CCDC175: variants seen among roughly 807,000 people sequenced by gnomAD.
CCDC175 encodes coiled-coil domain containing 175.
CCDC175 carries 100 observed loss-of-function variants against 114.6 expected under a neutral mutation model. The ratio of observed to expected loss-of-function variants is 0.87; its 90% CI spans 0.74 to 1.03. CCDC175 has a LOEUF of 1.03. CCDC175 is among the 50% of genes least tolerant of loss of function. The pLI, the probability that CCDC175 is intolerant of heterozygous loss-of-function variation, is 0.00. For synonymous variants in CCDC175, 306 were observed against 308.7 expected (o/e 0.99, Z 0.09); for missense variants, 880 against 917.8 (o/e 0.96, Z 0.53).
intron 11 of CCDC175, among the ~76,000 whole-genome samples, chr14:59,539,749 A>C (rs1411748311): frequency 1.3e-5 from 2 of 152,124 alleles, no homozygotes; most frequent in African/African-American, 4.8e-5. Flanking sequence ...CCCCATCTCT[A>C]CTAAAAATAC....
intron 8 of CCDC175, among the ~76,000 whole-genome samples, chr14:59,546,127 A>G (rs1317906831): frequency 6.6e-6 from 1 of 152,258 alleles, no homozygotes; most frequent in Non-Finnish European, 1.5e-5. Context: ...ATGGAACATT[A>G]TGCAGCCATA....
In CCDC175 at chr14:59,565,231, A is replaced by T; in HGVS notation, c.536T>A (p.Leu179Gln). 6.5e-7 allele frequency: 1 copy of T among 1,537,810 alleles called. No homozygotes were observed. Among genetic ancestry groups the T allele is most frequent in the Non-Finnish European group, 8.7e-7 (1 of 1,147,034 alleles). ...ELARKHARFVLSLNQTMEKKA... is the reference protein window; with the variant it reads ...ELARKHARFVQSLNQTMEKKA... ...TTTCTCCATAGTTTGGTTGAGTGACAGGACAAACCTTGCATGCTTCCTTGC... is the reference window on the plus strand; with the variant it reads ...TTTCTCCATAGTTTGGTTGAGTGACTGGACAAACCTTGCATGCTTCCTTGC... Residue 179 changes from leucine (L) to glutamine (Q), a missense_variant, in exon 5 of 20, where the codon CTG becomes CAG. Physicochemically the swap from Leu to Gln is moderately radical, Grantham distance 113. Coordinates refer to ENST00000537690, the MANE Select transcript of CCDC175 (RefSeq NM_001164399.2).
Position 59,564,047 on chromosome 14 carries a change from C to G in CCDC175, c.721-188G>C, listed in dbSNP as rs1437238907. Among the ~76,000 whole-genome samples the G allele has an allele frequency of 3.3e-5, 5 of 152,092 alleles. No homozygotes were observed. The East Asian group carries it at 9.6e-4, about 29-fold the overall frequency. ...TATTTTGCAGTATCACAGGAAAAAG[C>G]ATGAGCCACAAAGGCCAAACTGTAA... On this transcript the variant is annotated intron_variant, in intron 5 of 19. Transcript: ENST00000537690.
rs138167346 is a variant in CCDC175, at chr14:59,532,694, C to T, written c.1624-784G>A. 1.2e-4 allele frequency among the ~76,000 whole-genome samples: 18 copies of T among 152,258 alleles called. No individual in the cohort carries two copies. The East Asian group carries it at 3.5e-3, about 29-fold the overall frequency. ...CAGCTGTGTGCTCCCCTGTTCCTTT[C>T]CTCCCTCCCCTGGCCAGAGGAGAAT... On this transcript the variant is annotated intron_variant, in intron 13 of 19. Coordinates refer to ENST00000537690, the MANE Select transcript of CCDC175 (RefSeq NM_001164399.2).
chr14:59,549,866 T>A (rs1051949583), intron 8 of CCDC175, among the ~76,000 whole-genome samples: 2 of 152,130 alleles, frequency 1.3e-5, no homozygotes, highest in South Asian at 4.1e-4. Flanking sequence ...CTAGTGTGTA[T>A]GTATATTTGT....
chr14:59,548,698 G>A (rs1026094140), intron 8 of CCDC175, among the ~76,000 whole-genome samples: 1 of 152,166 alleles, frequency 6.6e-6, no homozygotes, highest in Non-Finnish European at 1.5e-5. Flanking sequence ...CAACCAACCA[G>A]CCAACAAACC....
intron 8 of CCDC175, 62 bp downstream of exon 8, chr14:59,551,293 T>C: frequency 1.3e-6 from 1 of 758,518 alleles, no homozygotes; most frequent in Non-Finnish European, 2.0e-6. Flanking sequence ...TCACATATTT[T>C]AAACATTAAC....
chr14:59,552,213 C>T (rs776077123), intron 7 of CCDC175, among the ~76,000 whole-genome samples: 4 of 152,358 alleles, frequency 2.6e-5, no homozygotes, highest in South Asian at 2.1e-4. Context: ...CCAGGAGGCA[C>T]CTCCCAGTAG....
chr14:59,553,673 T>C (rs1357377347), intron 7 of CCDC175, among the ~76,000 whole-genome samples: 1 of 152,006 alleles, frequency 6.6e-6, no homozygotes, highest in Admixed American at 6.5e-5. Context: ...GACTGGCAAA[T>C]TGGATAAAAA....
chr14:59,523,664 A>C (rs952712040), intron 16 of CCDC175, among the ~76,000 whole-genome samples: 1 of 152,198 alleles, frequency 6.6e-6, no homozygotes, highest in Non-Finnish European at 1.5e-5. Context: ...GATTTTAGAA[A>C]TGGTATTTCT....
chr14:59,557,585 T>G (rs1266720770), intron 7 of CCDC175, among the ~76,000 whole-genome samples: 1 of 149,936 alleles, frequency 6.7e-6, no homozygotes, highest in Non-Finnish European at 1.5e-5. Context: ...CTGCATGTTG[T>G]GCACATGTAC....
chr14:59,520,164 T>C (rs1893341632), intron 17 of CCDC175, among the ~76,000 whole-genome samples: 2 of 152,216 alleles, frequency 1.3e-5, no homozygotes, highest in Admixed American at 1.3e-4. Context: ...TCACAAAAGA[T>C]AATATTCAAA....
rs74482169 is a variant in CCDC175 at position 59,512,381 on chromosome 14, G to T, written c.2099-578C>A. ...TGCCCGCATGACTGACCATCTTCCC[G>T]CCCCATAAGTACTCTGGACACTCAA... On this transcript the variant is annotated intron_variant, in intron 17 of 19. Transcript: ENST00000537690. 1.3e-4 allele frequency among the ~76,000 whole-genome samples: 20 copies of T among 152,210 alleles called. 2 individuals carry two copies. Among genetic ancestry groups the T allele is most frequent in the Admixed American group, 8.5e-4 (13 of 15,292 alleles).
intron 8 of CCDC175, among the ~76,000 whole-genome samples, chr14:59,550,545 A>C (rs1183489208): frequency 6.6e-6 from 1 of 152,112 alleles, no homozygotes; most frequent in Non-Finnish European, 1.5e-5. Context: ...AGAGGGACAG[A>C]ACTAACAGGA....
chr14:59,546,883 T>C (rs1341846115), intron 8 of CCDC175, among the ~76,000 whole-genome samples: 2 of 152,014 alleles, frequency 1.3e-5, no homozygotes, highest in Non-Finnish European at 2.9e-5. Flanking sequence ...AATTAAAAGA[T>C]GAACAAATAT....
At chr14:59,559,242 G>A (rs1020313824) in intron 7 of CCDC175, among the ~76,000 whole-genome samples, 8 of 152,098 alleles carry the variant, frequency 5.3e-5, no homozygotes, top group African/African-American at 1.9e-4. Context: ...AAAACCAGCT[G>A]AATGCCAAAG....
In CCDC175 at chr14:59,516,531, C is replaced by G. The variant is rs536625982; in HGVS notation, c.2099-4728G>C. On this transcript the variant is annotated intron_variant, in intron 17 of 19. Transcript: ENST00000537690. ...AAATACAAACTACCATCAGAGAATA[C>G]TATAAACATCTCTATGCAAATAAGC... 2.0e-5 allele frequency among the ~76,000 whole-genome samples: 3 copies of G among 152,312 alleles called. No individual in the cohort carries two copies. In the East Asian group the frequency reaches 5.8e-4, roughly 29 times the overall value.
At chr14:59,539,746 T>A (rs1275203408) in intron 11 of CCDC175, among the ~76,000 whole-genome samples, 1 of 152,086 alleles carries the variant, frequency 6.6e-6, no homozygotes, top group East Asian at 1.9e-4. Flanking sequence ...AAACCCCATC[T>A]CTACTAAAAA....
chr14:59,526,949 C>T, intron 15 of CCDC175, 146 bp downstream of exon 15: 1 of 519,550 alleles, frequency 1.9e-6, no homozygotes, highest in Non-Finnish European at 3.3e-6. Flanking sequence ...TGTGTTATAA[C>T]AAAGATTGTT....
Sources: allele counts gnomAD v4.1 joint callset (sites outside exome capture counted in the v4.1 genomes callset), GRCh38; gene constraint gnomAD v4.1.1; transcripts MANE v1.5; gene names NCBI Gene and HGNC (gene_info 2026-07-23, HGNC 2026-07-21).